Variants in SEC23B observed in about 807,000 individuals in gnomAD.
SEC23B encodes the protein SEC23 homolog B, COPII component, also known as protein transport protein Sec23B.
A neutral mutation model predicts 104.3 loss-of-function variants in SEC23B; 77 were observed. The observed-to-expected ratio is 0.74, with a 90% CI of 0.61 to 0.89. The LOEUF is 0.89. SEC23B is among the 40% of genes least tolerant of loss of function. The pLI is 0.00. For missense variants in SEC23B, 885 were observed against 949.4 expected (o/e 0.93, Z 0.89); for synonymous variants, 338 against 332.5 (o/e 1.02, Z -0.18).
chr20:18,559,673 G>A (rs1009561732), intron 19 of SEC23B, among the ~76,000 whole-genome samples: 1 of 152,086 alleles, frequency 6.6e-6, no homozygotes, highest in African/African-American at 2.4e-5. Context: ...GGTGTTTTTT[G>A]TTGTTTTGTT....
chr20:18,542,400 AAAGT>A lies in SEC23B; in HGVS notation c.1511+2_1511+5del, dbSNP rs758780409. 1.9e-6 allele frequency: 3 copies of A among 1,613,676 alleles called. No homozygotes were observed. The East Asian group carries it at 6.7e-5, about 36-fold the overall frequency. On this transcript the variant is annotated splice_donor_variant and coding_sequence_variant, in exon 13 of 20. Coordinates refer to ENST00000650089, the MANE Select transcript of SEC23B (RefSeq NM_006363.6). LOFTEE classifies it high-confidence loss of function. ...GCATCCGCGTGACCACCATCGCCCG[AAAGT>A]AAGCAGCCCCAGTTTCCTTTCTGTT...
Position 18,551,138 on chromosome 20 carries a change from T to C in SEC23B, c.1955T>C (p.Met652Thr). Residue 652 changes from methionine (M) to threonine (T), a missense_variant, in exon 17 of 20, where the codon ATG becomes ACG. Met to Thr is a moderately conservative substitution (Grantham distance 81). Transcript: ENST00000650089. ...ATTCTAGCTGACAGAATTTTGCTGA[T>C]GGATACTTTCTTTCAAATTGTCATT... is the stretch of plus-strand genomic sequence containing the variant. ...SSILADRILL[M>T]DTFFQIVIYL... is the part of the protein sequence containing the mutation. 1 of 1,604,266 alleles carries C rather than the reference T, an allele frequency of 6.2e-7. No homozygotes were observed. The highest frequency in any genetic ancestry group is 8.5e-7 in the Non-Finnish European group (1 of 1,175,038).
rs1372964649 is a variant in SEC23B at position 18,527,576 on chromosome 20, A to G, written c.1074A>G (p.Gly358=). 3 of 1,612,206 alleles carry G rather than the reference A, an allele frequency of 1.9e-6. No individual in the cohort carries two copies. The highest frequency in any genetic ancestry group is 2.5e-6 in the Non-Finnish European group (3 of 1,178,414). Residue 358 remains glycine, a synonymous_variant, in exon 9 of 20, where the codon GGA becomes GGG. Transcript: ENST00000650089. ...ATGCTTGTGCCCTTGATCAAACTGG[A>G]CTTTTGGAGATGAAGTGTTGTGCAA... ...DIYACALDQT[G]LLEMKCCANL...
At chr20:18,548,816 C>T (rs1568621800) in intron 16 of SEC23B, 46 bp downstream of exon 16, 1 of 1,590,210 alleles carries the variant, frequency 6.3e-7, no homozygotes, top group Admixed American at 1.7e-5. Context: ...AATCACCTAA[C>T]ATATATTCTT....
At chr20:18,512,591 T>A (rs1489194510) in intron 3 of SEC23B, among the ~76,000 whole-genome samples, 2 of 152,250 alleles carry the variant, frequency 1.3e-5, no homozygotes, top group Non-Finnish European at 2.9e-5. Flanking sequence ...ATATTTCTCT[T>A]GACTTCAGTA....
rs6081188 is a variant in SEC23B, at chr20:18,530,530, T to C, written c.1110-150T>C. The C allele has an allele frequency of 0.98, 839,687 of 858,886 alleles. 412,165 individuals are homozygous for C. Among genetic ancestry groups the C allele is most frequent in the East Asian group, 1 (32,320 of 32,322 alleles). The allele number at this position is 858,886 out of a possible 1,614,324, so 53.2% of individuals were successfully genotyped here. A position where few individuals can be genotyped will look rare whatever the true frequency, so the allele number is the denominator to read the frequency against. ...GATTACAGGCGTGAGCCACTGTGCC[T>C]GGCCTGTTTTTTTATATTTAAATTA... On this transcript the variant is annotated intron_variant, in intron 9 of 19. Transcript: ENST00000650089.
chr20:18,535,179 C>T (rs1355167270), intron 11 of SEC23B, among the ~76,000 whole-genome samples: 1 of 151,694 alleles, frequency 6.6e-6, no homozygotes, highest in Non-Finnish European at 1.5e-5. Context: ...CATGTAGAGA[C>T]ACCCCCTGAC....
At chr20:18,552,670 T>C (rs562032304) in intron 17 of SEC23B, among the ~76,000 whole-genome samples, 1 of 151,614 alleles carries the variant, frequency 6.6e-6, no homozygotes, top group African/African-American at 2.4e-5. Context: ...AAAAATTAGC[T>C]GGGCATGGTG....
chr20:18,535,851 A>G (rs2060225990), intron 12 of SEC23B, 109 bp downstream of exon 12: 1 of 838,934 alleles, frequency 1.2e-6, no homozygotes, highest in South Asian at 1.4e-5. Flanking sequence ...TTCCTTGGGT[A>G]TTGTATTAGG....
intron 3 of SEC23B, among the ~76,000 whole-genome samples, chr20:18,514,132 C>T (rs2060004425): frequency 6.6e-6 from 1 of 152,178 alleles, no homozygotes; most frequent in Non-Finnish European, 1.5e-5. Context: ...ATCTGCAAGT[C>T]TATGTGTCCT....
intron 3 of SEC23B, among the ~76,000 whole-genome samples, chr20:18,514,491 C>T (rs1373512864): frequency 6.6e-6 from 1 of 152,178 alleles, no homozygotes; most frequent in African/African-American, 2.4e-5. Flanking sequence ...CCTAAAGCTG[C>T]CTGTCAGCTC....
chr20:18,554,319 G>A lies in SEC23B; in HGVS notation c.2077G>A (p.Asp693Asn). The A allele has an allele frequency of 1.2e-6, 2 of 1,614,154 alleles. No individual in the cohort carries two copies. The highest frequency in any genetic ancestry group is 1.3e-5 in the African/African-American group (1 of 75,028). Residue 693 changes from aspartate to asparagine, a missense_variant, in exon 18 of 20, where the codon GAT becomes AAT. Transcript: ENST00000650089. ...FKHLLQAPLD[D>N]AQEILQARFP... ...GCACCTTCTGCAGGCACCACTGGAT[G>A]ATGCTCAAGAAATTCTGCAAGCACG...
rs2295558 is a variant in SEC23B at position 18,543,314 on chromosome 20, G to T, written c.1665+142G>T. ...CCTTATGCTGCACGCTGGACATTCTGTTAAAGACGTGTTAAATGTGCATTT... is the reference window on the plus strand; with the variant it reads ...CCTTATGCTGCACGCTGGACATTCTTTTAAAGACGTGTTAAATGTGCATTT... On this transcript the variant is annotated intron_variant, in intron 14 of 19. Transcript: ENST00000650089. 0.21 allele frequency: 214,782 copies of T among 1,033,392 alleles called. 25,678 individuals carry two copies. Among genetic ancestry groups the T allele is most frequent in the East Asian group, 0.48 (18,571 of 38,784 alleles). 64.0% of individuals were successfully genotyped at this position (1,033,392 alleles called of 1,614,324 possible). A position where few individuals can be genotyped will look rare whatever the true frequency, so the allele number is the denominator to read the frequency against.
At chr20:18,513,160 G>T (rs1375091779) in intron 3 of SEC23B, among the ~76,000 whole-genome samples, 4 of 152,004 alleles carry the variant, frequency 2.6e-5, no homozygotes, top group African/African-American at 4.8e-5. Flanking sequence ...CTCCAGCCTG[G>T]CAACAGAGCA....
chr20:18,535,581 A>C, intron 11 of SEC23B, 72 bp from the exon 12 acceptor site: 1 of 1,162,202 alleles, frequency 8.6e-7, no homozygotes, highest in East Asian at 2.3e-5. Context: ...CTCAGTCAGT[A>C]CTTTTCATTA....
At chr20:18,532,359 T>C (rs1313588417) in intron 10 of SEC23B, among the ~76,000 whole-genome samples, 1 of 152,246 alleles carries the variant, frequency 6.6e-6, no homozygotes, top group African/African-American at 2.4e-5. Context: ...TACAAGGGAT[T>C]GGAAAAGAAT....
intron 11 of SEC23B, among the ~76,000 whole-genome samples, chr20:18,533,171 A>G (rs1421144069): frequency 6.6e-6 from 1 of 152,248 alleles, no homozygotes; most frequent in Non-Finnish European, 1.5e-5. Flanking sequence ...CTTTTACAAC[A>G]GAGACCACCA....
chr20:18,522,776 G>A (rs143109237), intron 4 of SEC23B, among the ~76,000 whole-genome samples: 2,062 of 152,224 alleles, frequency 0.014, 39 homozygotes, highest in African/African-American at 0.038. Context: ...AAAACAAATC[G>A]GCCGGGCGTG....
At chr20:18,518,919 A>G (rs1294244221) in intron 4 of SEC23B, among the ~76,000 whole-genome samples, 6 of 152,144 alleles carry the variant, frequency 3.9e-5, no homozygotes, top group Non-Finnish European at 1.5e-5. Flanking sequence ...ATATAACAGC[A>G]TGGTGGTGCA....
Sources: gnomAD v4.1 joint callset for allele counts (sites outside exome capture counted in the v4.1 genomes callset) on GRCh38, gnomAD v4.1.1 for gene constraint, MANE v1.5 for transcripts, NCBI Gene and HGNC (gene_info 2026-07-23, HGNC 2026-07-21) for gene names.